The following BNC2 variants were observed in gnomAD, a reference collection of about 807,000 sequenced individuals.
The protein encoded by BNC2 is basonuclin zinc finger protein 2.
A neutral mutation model predicts 76.3 loss-of-function variants in BNC2; 20 were observed. That is an observed-to-expected ratio of 0.26 (90% CI 0.18 to 0.38). BNC2 has a LOEUF of 0.38. Among genes scored for constraint, BNC2 ranks in the 10% least tolerant of loss-of-function variants. The pLI, the probability that BNC2 is intolerant of heterozygous loss-of-function variation, is 1.00. For synonymous variants in BNC2, 582 were observed against 514.8 expected (o/e 1.13, Z -1.77); for missense variants, 1,382 against 1,399.8 (o/e 0.99, Z 0.20).
chr9:16,752,539 G>A (rs528933743), intron 1 of BNC2, among the ~76,000 whole-genome samples: 6 of 152,138 alleles, frequency 3.9e-5, no homozygotes, highest in Admixed American at 2.0e-4. Flanking sequence ...AAATTCTTAC[G>A]CAGTCTTAGA....
chr9:16,641,438 T>G (rs1194655613), intron 3 of BNC2, among the ~76,000 whole-genome samples: 1 of 152,206 alleles, frequency 6.6e-6, no homozygotes, highest in African/African-American at 2.4e-5. Flanking sequence ...AGGCACTTTC[T>G]CAGATATTTT....
chr9:16,418,894 CA>C lies in BNC2; in HGVS notation c.*94del. ...AAATGCACACACACACACACACACA[CA>C]CACACCCCAAGTACATAAGCGCACA... is the stretch of plus-strand genomic sequence containing the variant. On this transcript the variant is annotated 3_prime_UTR_variant, in exon 7 of 7. Coordinates refer to ENST00000380672, the MANE Select transcript of BNC2 (RefSeq NM_017637.6). 7.2e-7 allele frequency: 1 copy of C among 1,387,148 alleles called. No homozygotes were observed. Among genetic ancestry groups the C allele is most frequent in the Non-Finnish European group, 1.0e-6 (1 of 975,158 alleles). 85.9% of individuals were successfully genotyped at this position (1,387,148 alleles called of 1,614,324 possible).
At chr9:16,489,478 C>T (rs1412195952) in intron 5 of BNC2, among the ~76,000 whole-genome samples, 1 of 152,134 alleles carries the variant, frequency 6.6e-6, no homozygotes, top group Non-Finnish European at 1.5e-5. Flanking sequence ...AAATACAAAG[C>T]ATCAATCATT....
rs1189252158 is a variant in BNC2 at position 16,412,842 on chromosome 9, C to T, written c.*6147G>A. The T allele has an allele frequency of 6.6e-6, 1 of 152,552 alleles. No individual in the cohort carries two copies. The highest frequency in any genetic ancestry group is 1.9e-4 in the East Asian group (1 of 5,178). 9.4% of individuals were successfully genotyped at this position (152,552 alleles called of 1,614,324 possible). On this transcript the variant is annotated 3_prime_UTR_variant, in exon 7 of 7. Transcript: ENST00000380672. Reference sequence around the variant, plus strand: ...TAGCCCTTGTAGTCAATTTCTCCTTCACAAGGGGATAAACAGGCAATTACG... The same window carrying T: ...TAGCCCTTGTAGTCAATTTCTCCTTTACAAGGGGATAAACAGGCAATTACG...
At chr9:16,618,550 A>G (rs548683170) in intron 3 of BNC2, among the ~76,000 whole-genome samples, 2 of 152,318 alleles carry the variant, frequency 1.3e-5, no homozygotes, top group African/African-American at 4.8e-5. Context: ...ATCTTCAAAA[A>G]AGAGGAGTAG....
At chr9:16,638,345 T>C (rs1821388633) in intron 3 of BNC2, among the ~76,000 whole-genome samples, 1 of 152,214 alleles carries the variant, frequency 6.6e-6, no homozygotes, top group South Asian at 2.1e-4. Flanking sequence ...ATGAAATTCA[T>C]CAATAGTACT....
At chr9:16,685,518 A>G (rs1220986445) in intron 3 of BNC2, 1 of 1,276,342 alleles carries the variant, frequency 7.8e-7, no homozygotes, top group South Asian at 1.2e-5. Context: ...CACCACCCCT[A>G]GCTGAGAAAA....
intron 1 of BNC2, among the ~76,000 whole-genome samples, chr9:16,779,841 G>A (rs1000109661): frequency 6.6e-6 from 1 of 152,254 alleles, no homozygotes; most frequent in South Asian, 2.1e-4. Context: ...CAGTGTTGTG[G>A]GGGGGCCAGG....
chr9:16,543,472 G>A (rs1479044502), intron 5 of BNC2, among the ~76,000 whole-genome samples: 1 of 152,140 alleles, frequency 6.6e-6, no homozygotes, highest in Non-Finnish European at 1.5e-5. Flanking sequence ...TTATCAAATG[G>A]AGACTGGCCA....
At chr9:16,687,111 C>T (rs1823001806) in intron 3 of BNC2, among the ~76,000 whole-genome samples, 1 of 151,990 alleles carries the variant, frequency 6.6e-6, no homozygotes, top group African/African-American at 2.4e-5. Context: ...AAATAACTAG[C>T]TCAGAGTCAC....
At chr9:16,699,296 A>G in intron 3 of BNC2, 1 of 445,886 alleles carries the variant, frequency 2.2e-6, no homozygotes, top group South Asian at 1.7e-5. Context: ...AGACAGGCCA[A>G]CAGAATAGTC....
chr9:16,498,703 G>C (rs1395400159), intron 5 of BNC2, among the ~76,000 whole-genome samples: 4 of 144,344 alleles, frequency 2.8e-5, no homozygotes, highest in South Asian at 4.6e-4. Context: ...AAAAAAAAAA[G>C]ACCCCCAAAA....
intron 1 of BNC2, among the ~76,000 whole-genome samples, chr9:16,785,348 G>T (rs935487110): frequency 6.6e-6 from 1 of 152,178 alleles, no homozygotes; most frequent in Non-Finnish European, 1.5e-5. Context: ...CACGGGGAAA[G>T]TAAGGGGATC....
At chr9:16,855,102 T>C (rs929482682) in intron 1 of BNC2, among the ~76,000 whole-genome samples, 1 of 151,910 alleles carries the variant, frequency 6.6e-6, no homozygotes, top group African/African-American at 2.4e-5. Context: ...TTCCACCTCA[T>C]ATGGTATACA....
intron 1 of BNC2, among the ~76,000 whole-genome samples, chr9:16,852,164 T>TGCTC (rs750978984): frequency 4.7e-4 from 71 of 152,194 alleles, no homozygotes; most frequent in Non-Finnish European, 8.8e-4. Flanking sequence ...GTCCAGATCA[T>TGCTC]GCTCTATCCA....
chr9:16,808,826 G>C (rs888846332), intron 1 of BNC2, among the ~76,000 whole-genome samples: 4 of 152,014 alleles, frequency 2.6e-5, no homozygotes, highest in East Asian at 1.9e-4. Context: ...TTGAGGCCCA[G>C]AGACTCTGAA....
At position 16,858,153 on chromosome 9, in the gene BNC2, G is replaced by A. The variant is rs76641382; in HGVS notation, c.3+12493C>T. On this transcript the variant is annotated intron_variant, in intron 1 of 6. Coordinates refer to ENST00000380672, the MANE Select transcript of BNC2 (RefSeq NM_017637.6). ...CTAGTCATGACGGGATGTCTAGGAA[G>A]ACAAATTTTCTCAATAATGGTTTTC... Among the ~76,000 whole-genome samples the A allele has an allele frequency of 3.3e-5, 5 of 152,310 alleles. No individual in the cohort carries two copies. In the East Asian group the frequency reaches 9.6e-4, roughly 29 times the overall value.
intron 6 of BNC2, among the ~76,000 whole-genome samples, chr9:16,432,402 T>G (rs1205033260): frequency 6.6e-6 from 1 of 152,194 alleles, no homozygotes; most frequent in East Asian, 1.9e-4. Context: ...CTGCCAAACC[T>G]AAAAGACACT....
intron 5 of BNC2, among the ~76,000 whole-genome samples, chr9:16,440,492 T>C (rs769425773): frequency 6.6e-6 from 1 of 152,208 alleles, no homozygotes; most frequent in African/African-American, 2.4e-5. Context: ...CTGAGCAATG[T>C]ACAGTCATAT....
Sources: allele counts gnomAD v4.1 joint callset (sites outside exome capture counted in the v4.1 genomes callset), GRCh38; gene constraint gnomAD v4.1.1; transcripts MANE v1.5; gene names NCBI Gene and HGNC (gene_info 2026-07-23, HGNC 2026-07-21).